The following FBXW11 variants were observed in gnomAD, a reference collection of about 807,000 sequenced individuals.
FBXW11 encodes F-box and WD repeat domain containing 11.
FBXW11 carries 19 observed loss-of-function variants against 77.6 expected under a neutral mutation model. The ratio of observed to expected loss-of-function variants is 0.24; its 90% CI spans 0.17 to 0.36. The LOEUF (loss-of-function observed/expected upper bound fraction) is 0.36, where lower values mean the gene tolerates loss of function less well. Among genes scored for constraint, FBXW11 ranks in the 10% least tolerant of loss-of-function variants. FBXW11 has a pLI of 1.00. For synonymous variants in FBXW11, 235 were observed against 249.4 expected (o/e 0.94, Z 0.54); for missense variants, 334 against 704.2 (o/e 0.47, Z 5.95).
intron 1 of FBXW11, among the ~76,000 whole-genome samples, chr5:172,003,558 G>A (rs188062098): frequency 2.6e-5 from 4 of 152,196 alleles, no homozygotes; most frequent in Admixed American, 6.5e-5. Context: ...GTCATCTGGC[G>A]GTTAAATTAT....
chr5:171,970,426 T>A (rs1397687599), intron 1 of FBXW11, among the ~76,000 whole-genome samples: 1 of 152,218 alleles, frequency 6.6e-6, no homozygotes, highest in African/African-American at 2.4e-5. Flanking sequence ...GTGAGCCAAT[T>A]AAACCTCTTT....
At chr5:171,913,021 T>C (rs1386365364) in intron 3 of FBXW11, among the ~76,000 whole-genome samples, 1 of 152,068 alleles carries the variant, frequency 6.6e-6, no homozygotes, top group Non-Finnish European at 1.5e-5. Context: ...CAGTAATTCA[T>C]GACAAGGGGA....
chr5:171,991,371 C>G lies in FBXW11; in HGVS notation c.45+15087G>C, dbSNP rs1384611418. 3.9e-5 allele frequency among the ~76,000 whole-genome samples: 6 copies of G among 152,304 alleles called. No individual in the cohort carries two copies. The East Asian group carries it at 9.6e-4, about 24-fold the overall frequency. Reference sequence around the variant, plus strand: ...GGATATGCCATACTTGAGACCAACACAGCATCTCAATAATTCTAACACCAC... The same window carrying G: ...GGATATGCCATACTTGAGACCAACAGAGCATCTCAATAATTCTAACACCAC... On this transcript the variant is annotated intron_variant, in intron 1 of 13. Transcript: ENST00000517395.
chr5:171,992,453 A>G (rs1765795710), intron 1 of FBXW11, among the ~76,000 whole-genome samples: 1 of 151,738 alleles, frequency 6.6e-6, no homozygotes, highest in African/African-American at 2.4e-5. Context: ...GGGGAGAGAG[A>G]GAGAGAGAGG....
At chr5:171,924,125 T>C (rs578030765) in intron 2 of FBXW11, among the ~76,000 whole-genome samples, 1 of 151,840 alleles carries the variant, frequency 6.6e-6, no homozygotes, top group Non-Finnish European at 1.5e-5. Context: ...AGTTTCACCA[T>C]GTTGGCCAGG....
chr5:171,941,682 T>C (rs1420266380), intron 2 of FBXW11, among the ~76,000 whole-genome samples: 1 of 151,876 alleles, frequency 6.6e-6, no homozygotes, highest in Non-Finnish European at 1.5e-5. Flanking sequence ...TGTGTTATAC[T>C]AATAACTTTT....
intron 1 of FBXW11, among the ~76,000 whole-genome samples, chr5:171,978,779 C>A (rs1439524509): frequency 1.3e-5 from 2 of 152,214 alleles, no homozygotes; most frequent in Non-Finnish European, 2.9e-5. Context: ...TTCCGCTACA[C>A]TCCCCCATGC....
At chr5:171,901,366 A>G (rs1334473877) in intron 4 of FBXW11, among the ~76,000 whole-genome samples, 1 of 152,242 alleles carries the variant, frequency 6.6e-6, no homozygotes, top group Admixed American at 6.5e-5. Context: ...CCTCATCTGT[A>G]TAAGATTACG....
chr5:171,865,547 AAAG>A (rs1372329276), intron 13 of FBXW11, among the ~76,000 whole-genome samples: 2 of 152,236 alleles, frequency 1.3e-5, no homozygotes, highest in African/African-American at 4.8e-5. Context: ...ATTTCACAAT[AAAG>A]AAGAAAAACA....
At position 171,988,524 on chromosome 5, in the gene FBXW11, A is replaced by G. The variant is rs144158935; in HGVS notation, c.45+17934T>C. Among the ~76,000 whole-genome samples the G allele has an allele frequency of 2.6e-5, 4 of 152,258 alleles. No homozygotes were observed. The East Asian group carries it at 7.7e-4, about 29-fold the overall frequency. On this transcript the variant is annotated intron_variant, in intron 1 of 13. Coordinates refer to ENST00000517395, the MANE Select transcript of FBXW11 (RefSeq NM_001378974.1). Reference sequence around the variant, plus strand: ...TGATATAAAAAAGGAAGGAAGAAAAATGGGGGCAGCCTGTGGGAGTGGCAA... The same window carrying G: ...TGATATAAAAAAGGAAGGAAGAAAAGTGGGGGCAGCCTGTGGGAGTGGCAA...
chr5:171,872,343 G>A (rs902708746), intron 10 of FBXW11, among the ~76,000 whole-genome samples: 3 of 152,154 alleles, frequency 2.0e-5, no homozygotes, highest in African/African-American at 7.2e-5. Context: ...GAGACAGTGG[G>A]GAAATGGCAT....
chr5:171,970,211 G>C (rs1386587487), intron 1 of FBXW11, among the ~76,000 whole-genome samples: 2 of 152,178 alleles, frequency 1.3e-5, no homozygotes, highest in Non-Finnish European at 2.9e-5. Context: ...ATCCCTCGAA[G>C]GAGGGACTTG....
chr5:172,000,383 G>C (rs1459920567), intron 1 of FBXW11, among the ~76,000 whole-genome samples: 2 of 152,168 alleles, frequency 1.3e-5, no homozygotes, highest in Admixed American at 1.3e-4. Context: ...GACTGGGTGG[G>C]TTCTCTCTGT....
intron 4 of FBXW11, 24 bp downstream of exon 4, chr5:171,910,548 T>C (rs758542434): frequency 6.3e-7 from 1 of 1,582,844 alleles, no homozygotes; most frequent in Non-Finnish European, 8.6e-7. Context: ...ACTGCTCAGC[T>C]TTTGAAAAGA....
rs375119630 is a variant in FBXW11, at chr5:171,882,275, AC to A, written c.853-4147del. Among the ~76,000 whole-genome samples, 479 of 152,250 alleles carry A rather than the reference AC, an allele frequency of 3.1e-3. 2 individuals carry two copies. Among genetic ancestry groups the A allele is most frequent in the African/African-American group, 0.011 (445 of 41,542 alleles). On this transcript the variant is annotated intron_variant, in intron 7 of 13. Transcript: ENST00000517395. ...CTTTCATTTTCATTTAGTTACACCC[AC>A]CCACACATGCACACATGTGCACACA... is the stretch of plus-strand genomic sequence containing the variant.
intron 1 of FBXW11, among the ~76,000 whole-genome samples, chr5:172,000,731 T>A (rs1024904035): frequency 6.6e-6 from 1 of 152,176 alleles, no homozygotes; most frequent in African/African-American, 2.4e-5. Flanking sequence ...TCCCAACAAC[T>A]CAGACCAATA....
At chr5:171,882,681 A>AAGGTTACAT (rs1758598598) in intron 7 of FBXW11, among the ~76,000 whole-genome samples, 1 of 128,188 alleles carries the variant, frequency 7.8e-6, no homozygotes, top group Non-Finnish European at 1.7e-5. Flanking sequence ...ATGTAACCTT[A>AAGGTTACAT]AAGTATTTAG....
intron 2 of FBXW11, among the ~76,000 whole-genome samples, chr5:171,937,556 C>A (rs1762539212): frequency 6.6e-6 from 1 of 152,050 alleles, no homozygotes; most frequent in African/African-American, 2.4e-5. Context: ...GCAGTGGGGG[C>A]CGGATACAGT....
intron 2 of FBXW11, among the ~76,000 whole-genome samples, chr5:171,934,676 CAAA>C (rs34077162): frequency 1.0e-4 from 7 of 69,190 alleles, no homozygotes; most frequent in Admixed American, 1.6e-4. Context: ...GACCCTGTCT[CAAA>C]AAAAAAAAAA....
Sources: gnomAD v4.1 joint callset for allele counts (sites outside exome capture counted in the v4.1 genomes callset) on GRCh38, gnomAD v4.1.1 for gene constraint, MANE v1.5 for transcripts, NCBI Gene and HGNC (gene_info 2026-07-23, HGNC 2026-07-21) for gene names.